Variants in DYM observed in about 807,000 individuals in gnomAD.
DYM encodes dyggve-Melchior-Clausen syndrome protein.
DYM carries 78 observed loss-of-function variants against 93.1 expected under a neutral mutation model. The observed-to-expected ratio is 0.84, with a 90% CI of 0.70 to 1.01. The LOEUF is 1.01. DYM is among the 50% of genes least tolerant of loss of function. DYM has a pLI of 0.00. For missense variants in DYM, 789 were observed against 845.0 expected (o/e 0.93, Z 0.82); for synonymous variants, 321 against 319.7 (o/e 1.00, Z -0.04).
chr18:49,428,789 T>G (rs185860790), intron 2 of DYM, among the ~76,000 whole-genome samples: 1 of 152,156 alleles, frequency 6.6e-6, no homozygotes, highest in Non-Finnish European at 1.5e-5. Context: ...ATGATAATGT[T>G]CTAAAATTGG....
intron 13 of DYM, among the ~76,000 whole-genome samples, chr18:49,233,653 GT>G (rs941312809): frequency 7.9e-5 from 12 of 152,272 alleles, no homozygotes; most frequent in African/African-American, 2.9e-4. Flanking sequence ...GCTGTTGACT[GT>G]TCCCCAATGA....
rs796380845 is a variant in DYM at position 49,141,606 on chromosome 18, A to G, written c.1728+22079T>C. 3.0e-4 allele frequency among the ~76,000 whole-genome samples: 46 copies of G among 152,292 alleles called. 1 individual carries two copies. Among genetic ancestry groups the G allele is most frequent in the African/African-American group, 1.1e-3 (45 of 41,558 alleles). ...ATTTTTTCTCTGGCAACTCTTATTC[A>G]TCATCAGGTCTCAGTTAAATATCAC... On this transcript the variant is annotated intron_variant, in intron 15 of 17. Coordinates refer to ENST00000675505, the MANE Select transcript of DYM (RefSeq NM_001353214.3).
chr18:49,110,806 C>T (rs1242541815), intron 16 of DYM, among the ~76,000 whole-genome samples: 1 of 152,154 alleles, frequency 6.6e-6, no homozygotes, highest in Non-Finnish European at 1.5e-5. Flanking sequence ...TTCTTTCTCT[C>T]TTCTCCTTGT....
chr18:49,118,714 A>T, intron 16 of DYM, 30 bp downstream of exon 16: 1 of 1,589,618 alleles, frequency 6.3e-7, no homozygotes, highest in Non-Finnish European at 8.6e-7. Context: ...TTAAAAAAGA[A>T]TCATAATAAA....
rs185507257 is a variant in DYM at position 49,361,584 on chromosome 18, G to A, written c.494+1577C>T. Among the ~76,000 whole-genome samples, 843 of 152,244 alleles carry A rather than the reference G, an allele frequency of 5.5e-3. 2 individuals carry two copies. The highest frequency in any genetic ancestry group is 8.8e-3 in the Non-Finnish European group (598 of 68,014). On this transcript the variant is annotated intron_variant, in intron 6 of 17. Coordinates refer to ENST00000675505, the MANE Select transcript of DYM (RefSeq NM_001353214.3). ...CATAGATACAATAATAATGGTTTGCGGTCCTCCAAAGGGCTGCAGGACATA... is the reference window on the plus strand; with the variant it reads ...CATAGATACAATAATAATGGTTTGCAGTCCTCCAAAGGGCTGCAGGACATA...
chr18:49,191,246 G>T (rs767266549), intron 14 of DYM, among the ~76,000 whole-genome samples: 1 of 152,064 alleles, frequency 6.6e-6, no homozygotes, highest in Admixed American at 6.6e-5. Context: ...GAATGACAAG[G>T]AAGCTATGAG....
chr18:49,047,528 T>G (rs2071759882), intron 17 of DYM, among the ~76,000 whole-genome samples: 1 of 152,194 alleles, frequency 6.6e-6, no homozygotes, highest in Admixed American at 6.5e-5. Flanking sequence ...TTCTTTATTC[T>G]TTCCCTCCTC....
In DYM at chr18:49,363,241, G is replaced by T; in HGVS notation, c.422-8C>A. The T allele has an allele frequency of 6.2e-7, 1 of 1,609,606 alleles. No homozygotes were observed. Among genetic ancestry groups the T allele is most frequent in the Non-Finnish European group, 8.5e-7 (1 of 1,177,742 alleles). The stretch of plus-strand genomic sequence containing the variant: ...GATCTTCTGAGTCAGAACCTGGTAA[G>T]ACACATAAAAAGATTTTTTTTTAAC... On this transcript the variant is annotated splice_region_variant and splice_polypyrimidine_tract_variant and intron_variant, in intron 5 of 17. Coordinates refer to ENST00000675505, the MANE Select transcript of DYM (RefSeq NM_001353214.3).
chr18:49,453,409 T>C (rs929907749), intron 1 of DYM, among the ~76,000 whole-genome samples: 6 of 152,188 alleles, frequency 3.9e-5, no homozygotes, highest in African/African-American at 1.4e-4. Flanking sequence ...TGCTCACTCT[T>C]TGGGTCCACA....
At chr18:49,045,897 T>C (rs2071427871) in intron 17 of DYM, among the ~76,000 whole-genome samples, 1 of 151,850 alleles carries the variant, frequency 6.6e-6, no homozygotes, top group African/African-American at 2.4e-5. Flanking sequence ...GGCTAAGGCA[T>C]GAGAATGGCA....
chr18:49,279,823 GT>G (rs1224642908), intron 10 of DYM, among the ~76,000 whole-genome samples: 1 of 152,166 alleles, frequency 6.6e-6, no homozygotes, highest in Non-Finnish European at 1.5e-5. Flanking sequence ...TTTAAGCAGT[GT>G]TTCCCACCTA....
intron 5 of DYM, 71 bp from the exon 6 acceptor site, chr18:49,363,304 T>C (rs1055025360): frequency 1.8e-4 from 188 of 1,056,460 alleles, no homozygotes; most frequent in Middle Eastern, 2.0e-4. Flanking sequence ...AGAAGTTACA[T>C]TTTCATTCCT....
intron 8 of DYM, among the ~76,000 whole-genome samples, chr18:49,303,752 G>A (rs1287869964): frequency 6.6e-6 from 1 of 152,158 alleles, no homozygotes. Context: ...CAAATGAATG[G>A]CATAAAGTAT....
At chr18:49,113,611 C>T (rs1200381768) in intron 16 of DYM, among the ~76,000 whole-genome samples, 1 of 152,164 alleles carries the variant, frequency 6.6e-6, no homozygotes, top group African/African-American at 2.4e-5. Context: ...TCTCCTCCAC[C>T]AACTTTTTTC....
At position 49,442,570 on chromosome 18, in the gene DYM, T is replaced by G. The variant is rs537096010; in HGVS notation, c.-53-12123A>C. On this transcript the variant is annotated intron_variant, in intron 1 of 17. Transcript: ENST00000675505. ...TGTCTCAAAAATAAAAAAAAGAAACTGAAACAAACTAAAGAAAGGAATCAT... is the reference window on the plus strand; with the variant it reads ...TGTCTCAAAAATAAAAAAAAGAAACGGAAACAAACTAAAGAAAGGAATCAT... Among the ~76,000 whole-genome samples, 11 of 151,488 alleles carry G rather than the reference T, an allele frequency of 7.3e-5. No individual in the cohort carries two copies. The South Asian group carries it at 2.1e-3, about 29-fold the overall frequency.
At chr18:49,202,238 T>C (rs2092052080) in intron 14 of DYM, among the ~76,000 whole-genome samples, 1 of 152,218 alleles carries the variant, frequency 6.6e-6, no homozygotes, top group African/African-American at 2.4e-5. Flanking sequence ...GCAGAGCTTG[T>C]GGTGAGCCAT....
intron 11 of DYM, among the ~76,000 whole-genome samples, chr18:49,261,442 G>A (rs1435146511): frequency 3.9e-5 from 6 of 152,222 alleles, no homozygotes; most frequent in Non-Finnish European, 8.8e-5. Flanking sequence ...AGGCCAAGGT[G>A]GATGGATCAC....
intron 3 of DYM, among the ~76,000 whole-genome samples, chr18:49,385,748 A>C (rs1259823154): frequency 6.6e-6 from 1 of 152,098 alleles, no homozygotes; most frequent in East Asian, 1.9e-4. Flanking sequence ...TTCAGGAAAA[A>C]AGTAATAAAG....
chr18:49,351,440 C>CA (rs1174897932), intron 6 of DYM, among the ~76,000 whole-genome samples: 3 of 151,568 alleles, frequency 2.0e-5, no homozygotes, highest in Non-Finnish European at 4.4e-5. Context: ...TTGAATAACA[C>CA]AAAAAACTGC....
Sources: allele counts gnomAD v4.1 joint callset (sites outside exome capture counted in the v4.1 genomes callset), GRCh38; gene constraint gnomAD v4.1.1; transcripts MANE v1.5; gene names NCBI Gene and HGNC (gene_info 2026-07-23, HGNC 2026-07-21).